Variants in MAP2 observed in about 807,000 individuals in gnomAD.
MAP2 encodes microtubule-associated protein 2.
In MAP2, 14 loss-of-function variants were observed where a neutral mutation model predicts 137.6. That is an observed-to-expected ratio of 0.10 (90% CI 0.07 to 0.16). MAP2 has a LOEUF of 0.16. MAP2 is among the 10% of genes least tolerant of loss of function. The probability of loss-of-function intolerance (pLI) is 1.00; values close to 1 mark genes in which losing one functional copy is unlikely to be tolerated. For missense variants in MAP2, 2,088 were observed against 2,191.5 expected, an observed-to-expected ratio of 0.95 and a Z score of 0.94; for synonymous variants, 786 against 782.3, an observed-to-expected ratio of 1.00 and a Z score of -0.08.
chr2:209,587,321 C>G (rs2078013915), intron 3 of MAP2, among the ~76,000 whole-genome samples: 1 of 152,128 alleles, frequency 6.6e-6, no homozygotes, highest in South Asian at 2.1e-4. Flanking sequence ...CCGGGTGACT[C>G]TGCTTAAAGC....
intron 4 of MAP2, 58 bp from the exon 5 acceptor site, chr2:209,653,084 A>T (rs2094915943): frequency 7.2e-7 from 1 of 1,391,406 alleles, no homozygotes; most frequent in African/African-American, 1.4e-5. Flanking sequence ...TCTTGGTACA[A>T]CCAATATCAG....
At chr2:209,513,781 G>A (rs186572620) in intron 2 of MAP2, among the ~76,000 whole-genome samples, 1 of 152,110 alleles carries the variant, frequency 6.6e-6, no homozygotes, top group Admixed American at 6.6e-5. Flanking sequence ...CTGGAAGCAC[G>A]TATCCCCAAG....
intron 1 of MAP2, among the ~76,000 whole-genome samples, chr2:209,442,772 A>G (rs530139179): frequency 1.3e-4 from 20 of 151,646 alleles, no homozygotes; most frequent in Non-Finnish European, 2.8e-4. Context: ...ACTTATTTCA[A>G]TATCCACCCT....
intron 1 of MAP2, among the ~76,000 whole-genome samples, chr2:209,450,638 TA>T (rs1468852441): frequency 1.3e-5 from 2 of 152,204 alleles, no homozygotes; most frequent in East Asian, 1.9e-4. Context: ...GTAATGAAGA[TA>T]GGGGTAATGT....
intron 1 of MAP2, among the ~76,000 whole-genome samples, chr2:209,503,438 T>C (rs550110031): frequency 6.8e-4 from 103 of 152,250 alleles, no homozygotes; most frequent in Admixed American, 1.2e-3. Context: ...TGTTTCTGCT[T>C]GTGATGTCTG....
intron 2 of MAP2, among the ~76,000 whole-genome samples, chr2:209,570,486 G>C (rs1426260344): frequency 1.3e-5 from 2 of 151,834 alleles, no homozygotes; most frequent in Non-Finnish European, 3.0e-5. Flanking sequence ...TACTCAAAAA[G>C]ACTGGCACTT....
At chr2:209,645,875 TA>T (rs1209916961) in intron 4 of MAP2, among the ~76,000 whole-genome samples, 1 of 152,182 alleles carries the variant, frequency 6.6e-6, no homozygotes. Context: ...TATTTCCTGA[TA>T]GTCTAATTAT....
intron 1 of MAP2, among the ~76,000 whole-genome samples, chr2:209,424,969 A>C (rs1053075217): frequency 2.6e-5 from 4 of 151,974 alleles, no homozygotes; most frequent in Non-Finnish European, 5.9e-5. Flanking sequence ...TCTTTTTAAA[A>C]GGCTTTTTTG....
chr2:209,510,228 T>A (rs2061567472), intron 2 of MAP2, among the ~76,000 whole-genome samples: 1 of 151,982 alleles, frequency 6.6e-6, no homozygotes, highest in African/African-American at 2.4e-5. Flanking sequence ...TTGTGGTTTG[T>A]TTTCACAAAA....
intron 13 of MAP2, among the ~76,000 whole-genome samples, chr2:209,714,663 G>A (rs1463423784): frequency 6.6e-6 from 1 of 152,094 alleles, no homozygotes; most frequent in Non-Finnish European, 1.5e-5. Flanking sequence ...CTATATCTCA[G>A]TTCTATATGG....
chr2:209,543,965 C>T (rs972593433), intron 2 of MAP2, among the ~76,000 whole-genome samples: 2 of 152,086 alleles, frequency 1.3e-5, no homozygotes, highest in East Asian at 3.9e-4. Flanking sequence ...CATGGTGGCT[C>T]ACGCCTGTAA....
intron 4 of MAP2, among the ~76,000 whole-genome samples, chr2:209,642,473 A>G (rs1284671629): frequency 1.3e-5 from 2 of 151,984 alleles, no homozygotes; most frequent in Non-Finnish European, 2.9e-5. Flanking sequence ...CAAAATAATA[A>G]CAAGTAGTAG....
intron 1 of MAP2, among the ~76,000 whole-genome samples, chr2:209,506,783 G>T (rs1178317697): frequency 2.0e-5 from 3 of 152,126 alleles, no homozygotes; most frequent in Non-Finnish European, 2.9e-5. Context: ...TTTAGCAAAG[G>T]TTTGGACTGA....
chr2:209,552,941 A>T (rs1285265356), intron 2 of MAP2, among the ~76,000 whole-genome samples: 1 of 152,134 alleles, frequency 6.6e-6, no homozygotes, highest in Non-Finnish European at 1.5e-5. Flanking sequence ...AAATATTAAG[A>T]CTATAACAAA....
chr2:209,638,117 A>G (rs1324427297), intron 4 of MAP2, among the ~76,000 whole-genome samples: 1 of 152,156 alleles, frequency 6.6e-6, no homozygotes, highest in Non-Finnish European at 1.5e-5. Flanking sequence ...AATGAATTGT[A>G]TACATTTCAG....
At chr2:209,677,857 G>T (rs1260325387) in intron 5 of MAP2, among the ~76,000 whole-genome samples, 1 of 151,834 alleles carries the variant, frequency 6.6e-6, no homozygotes, top group Non-Finnish European at 1.5e-5. Context: ...TCTTTAGAAA[G>T]AGACCATCTG....
At chr2:209,730,011 T>C (rs765061056) in intron 15 of MAP2, 49 bp downstream of exon 15, 30 of 1,353,906 alleles carry the variant, frequency 2.2e-5, no homozygotes, top group Non-Finnish European at 2.8e-5. Flanking sequence ...AAAAAATTCT[T>C]CTGAAATACT....
chr2:209,573,879 A>G (rs1455746723), intron 2 of MAP2, among the ~76,000 whole-genome samples: 1 of 152,196 alleles, frequency 6.6e-6, no homozygotes, highest in Non-Finnish European at 1.5e-5. Flanking sequence ...GAATTATAAA[A>G]TATATGGCCT....
intron 13 of MAP2, chr2:209,723,671 C>T (rs749491209): frequency 6.8e-6 from 11 of 1,613,536 alleles, no homozygotes; most frequent in African/African-American, 4.0e-5. Flanking sequence ...ATCAAACATT[C>T]GGCTGGGGGC....
Sources: allele counts gnomAD v4.1 joint callset (sites outside exome capture counted in the v4.1 genomes callset), GRCh38; gene constraint gnomAD v4.1.1; transcripts MANE v1.5; gene names NCBI Gene and HGNC (gene_info 2026-07-23, HGNC 2026-07-21).